ARAP1: variants seen among roughly 807,000 people sequenced by gnomAD.
The protein encoded by ARAP1 is ArfGAP with RhoGAP domain, ankyrin repeat and PH domain 1, also known as arf-GAP with Rho-GAP domain, ANK repeat and PH domain-containing protein 1.
A neutral mutation model predicts 172.2 loss-of-function variants in ARAP1; 76 were observed. The observed-to-expected ratio is 0.44, with a 90% CI of 0.37 to 0.53. The LOEUF (loss-of-function observed/expected upper bound fraction) is 0.53, where lower values mean the gene tolerates loss of function less well. Ranked by LOEUF, ARAP1 falls within the 20% of genes least tolerant of loss-of-function variation. The pLI is 0.00. For synonymous variants in ARAP1, 804 were observed against 803.3 expected (o/e 1.00, Z -0.01); for missense variants, 1,686 against 1,977.5 (o/e 0.85, Z 2.80).
rs189149758 is a variant in ARAP1 at position 72,688,328 on chromosome 11, G to A, written c.4070+127C>T. The A allele has an allele frequency of 1.8e-4, 138 of 776,300 alleles. 1 individual carries two copies. The East Asian group carries it at 2.6e-3, about 14-fold the overall frequency. 48.1% of individuals were successfully genotyped at this position (776,300 alleles called of 1,614,324 possible). ...TGTGTCCAGGTGATGCTGCTGGTCTGGAGACCACACCATCAGAGCCCCTGC... is the reference window on the plus strand; with the variant it reads ...TGTGTCCAGGTGATGCTGCTGGTCTAGAGACCACACCATCAGAGCCCCTGC... On this transcript the variant is annotated intron_variant, in intron 31 of 34. Coordinates refer to ENST00000393609, the MANE Select transcript of ARAP1 (RefSeq NM_001040118.3).
intron 30 of ARAP1, among the ~76,000 whole-genome samples, chr11:72,689,099 A>T (rs1855816135): frequency 6.6e-6 from 1 of 152,216 alleles, no homozygotes; most frequent in Non-Finnish European, 1.5e-5. Context: ...AAGGAGGCTA[A>T]TGACTCAAGC....
intron 3 of ARAP1, among the ~76,000 whole-genome samples, chr11:72,723,018 T>C (rs979800004): frequency 1.3e-5 from 2 of 152,058 alleles, no homozygotes; most frequent in Non-Finnish European, 1.5e-5. Context: ...TTTAAATTAA[T>C]GGTAGGGTGC....
chr11:72,734,404 A>G (rs1207309701), intron 1 of ARAP1, among the ~76,000 whole-genome samples: 1 of 152,216 alleles, frequency 6.6e-6, no homozygotes, highest in African/African-American at 2.4e-5. Context: ...TTATAGGCAT[A>G]AGCCACTGCA....
In ARAP1 at chr11:72,710,122, C is replaced by A; in HGVS notation, c.1417-146G>T. 2 of 819,826 alleles carry A rather than the reference C, an allele frequency of 2.4e-6. No homozygotes were observed. Among genetic ancestry groups the A allele is most frequent in the Non-Finnish European group, 2.0e-6 (1 of 495,898 alleles). The allele number at this position is 819,826 out of a possible 1,614,324, so 50.8% of individuals were successfully genotyped here. A position where few individuals can be genotyped will look rare whatever the true frequency, so the allele number is the denominator to read the frequency against. ...ACAGCAGGGGACATGGGAGGCTGGG[C>A]AGGGTAAGGGGCTGCAGGTTCAGGG... is the stretch of plus-strand genomic sequence containing the variant. On this transcript the variant is annotated intron_variant, in intron 10 of 34. Transcript: ENST00000393609. The surrounding 1 kb of genome is among the most constrained non-coding windows in gnomAD (Gnocchi z 4.3).
rs1856963513 is a variant in ARAP1, at chr11:72,710,459, C to CCAGGCTGCCAGCGCGGT, written c.1325_1341dup (p.Glu448ThrfsTer30). ...AGCTTATTCTTGAAGCCACGAAGCT[C>CCAGGCTGCCAGCGCGGT]CAGGCTGCCAGCGCGGTCAGGCTGC... On this transcript the variant is annotated frameshift_variant, in exon 10 of 35. Coordinates refer to ENST00000393609, the MANE Select transcript of ARAP1 (RefSeq NM_001040118.3). LOFTEE classifies it high-confidence loss of function. The surrounding 1 kb of genome is among the most constrained non-coding windows in gnomAD (Gnocchi z 4.3). 1 of 1,613,982 alleles carries CCAGGCTGCCAGCGCGGT rather than the reference C, an allele frequency of 6.2e-7. No homozygotes were observed. The highest frequency in any genetic ancestry group is 8.5e-7 in the Non-Finnish European group (1 of 1,179,990).
intron 31 of ARAP1, 115 bp from the exon 32 acceptor site, chr11:72,687,853 C>A: frequency 1.6e-6 from 2 of 1,277,198 alleles, no homozygotes; most frequent in East Asian, 2.3e-5. Context: ...GAGTTCAGAG[C>A]CTTCTCACAA....
intron 1 of ARAP1, among the ~76,000 whole-genome samples, chr11:72,747,014 G>A (rs748832215): frequency 2.6e-5 from 4 of 152,210 alleles, no homozygotes; most frequent in Admixed American, 6.5e-5. Context: ...CTGGAAAGCC[G>A]AAATGCAGTG....
intron 18 of ARAP1, among the ~76,000 whole-genome samples, chr11:72,698,708 CCG>C (rs368257806): frequency 6.6e-6 from 1 of 152,170 alleles, no homozygotes. Flanking sequence ...CCTCTGGAGG[CCG>C]CACTGTCCAT....
In ARAP1 at chr11:72,699,863, T is replaced by C. The variant is rs1856395475; in HGVS notation, c.2303-311A>G. Among the ~76,000 whole-genome samples the C allele has an allele frequency of 6.6e-6, 1 of 152,162 alleles. No individual in the cohort carries two copies. Among genetic ancestry groups the C allele is most frequent in the African/African-American group, 2.4e-5 (1 of 41,438 alleles). On this transcript the variant is annotated intron_variant, in intron 16 of 34. Coordinates refer to ENST00000393609, the MANE Select transcript of ARAP1 (RefSeq NM_001040118.3). The surrounding 1 kb of genome is among the most constrained non-coding windows in gnomAD (Gnocchi z 4.2). ...AGACTCTGTGCCCCTCAGCCTGCCA[T>C]TCAAGGCCCTGCCAGGTCTACCCCT...
chr11:72,688,133 G>A (rs34802028), intron 31 of ARAP1, among the ~76,000 whole-genome samples: 72,550 of 151,776 alleles, frequency 0.48, 17,768 homozygotes, highest in Middle Eastern at 0.66. Flanking sequence ...TGAGTAGCGC[G>A]CCACCAAACC....
intron 12 of ARAP1, among the ~76,000 whole-genome samples, chr11:72,706,121 C>T (rs889338904): frequency 6.6e-6 from 1 of 152,196 alleles, no homozygotes; most frequent in Non-Finnish European, 1.5e-5. Flanking sequence ...GCAACTGGCC[C>T]CCTGGAACCA....
At chr11:72,709,333 C>T (rs987289593) in intron 11 of ARAP1, among the ~76,000 whole-genome samples, 14 of 152,250 alleles carry the variant, frequency 9.2e-5, no homozygotes, top group Non-Finnish European at 1.6e-4. Flanking sequence ...CCAGGTCACA[C>T]AGCTAGTCAG....
Position 72,726,790 on chromosome 11 carries a change from A to G in ARAP1, c.339T>C (p.Ala113=), listed in dbSNP as rs1429588922. 1 of 1,551,182 alleles carries G rather than the reference A, an allele frequency of 6.4e-7. No individual in the cohort carries two copies. The highest frequency in any genetic ancestry group is 8.7e-7 in the Non-Finnish European group (1 of 1,147,618). ...PTTTEDEGLP[A]APPIPPRRSC... ...TCCTCCGGGGCGGGATGGGTGGGGCAGCGGGGAGCCCCTCATCCTCTGTAG... is the reference window on the plus strand; with the variant it reads ...TCCTCCGGGGCGGGATGGGTGGGGCGGCGGGGAGCCCCTCATCCTCTGTAG... The change falls in exon 3 of 35, where the codon GCT becomes GCC. Residue 113 remains alanine, a synonymous_variant. Coordinates refer to ENST00000393609, the MANE Select transcript of ARAP1 (RefSeq NM_001040118.3). This position sits in a 1 kb window ranked among gnomAD's most constrained non-coding sequence, Gnocchi z 6.5.
chr11:72,698,673 G>A (rs912501988), intron 18 of ARAP1, among the ~76,000 whole-genome samples: 3 of 152,090 alleles, frequency 2.0e-5, no homozygotes, highest in Non-Finnish European at 4.4e-5. Context: ...CTGCTTGCTC[G>A]CCTCCAGGAA....
rs1856959120 is a variant in ARAP1 at position 72,710,355 on chromosome 11, C to T, written c.1416+30G>A. The T allele has an allele frequency of 6.2e-7, 1 of 1,611,214 alleles. No homozygotes were observed. The highest frequency in any genetic ancestry group is 8.5e-7 in the Non-Finnish European group (1 of 1,177,898). On this transcript the variant is annotated intron_variant, in intron 10 of 34. Transcript: ENST00000393609. This position sits in a 1 kb window ranked among gnomAD's most constrained non-coding sequence, Gnocchi z 4.3. ...CTGGGGCAGGGTAGGTGGACATGGG[C>T]AGGGGAGAGGTTCCATGACCCCTTA...
chr11:72,719,016 A>G (rs1285343934), intron 3 of ARAP1, among the ~76,000 whole-genome samples: 2 of 152,174 alleles, frequency 1.3e-5, no homozygotes, highest in East Asian at 3.9e-4. Context: ...GTGCTCTGTA[A>G]GGTAAGGCTC....
intron 2 of ARAP1, among the ~76,000 whole-genome samples, chr11:72,730,664 C>G (rs1857838269): frequency 6.6e-6 from 1 of 152,200 alleles, no homozygotes; most frequent in South Asian, 2.1e-4. Flanking sequence ...CACACCATTG[C>G]ATTCCAGCCT....
chr11:72,739,353 C>T (rs1431373321), intron 1 of ARAP1, among the ~76,000 whole-genome samples: 1 of 152,184 alleles, frequency 6.6e-6, no homozygotes, highest in East Asian at 1.9e-4. Flanking sequence ...GGCCTGTCTT[C>T]TGGGGTCTCC....
intron 30 of ARAP1, among the ~76,000 whole-genome samples, chr11:72,691,777 T>A (rs116387676): frequency 2.8e-3 from 424 of 152,270 alleles, no homozygotes; most frequent in African/African-American, 9.8e-3. Flanking sequence ...CTGTTGCCCA[T>A]CCTGCAGGGC....
Sources: allele counts gnomAD v4.1 joint callset (sites outside exome capture counted in the v4.1 genomes callset), GRCh38; gene constraint gnomAD v4.1.1; non-coding constraint Gnocchi (gnomAD v3.1); transcripts MANE v1.5; gene names NCBI Gene and HGNC (gene_info 2026-07-23, HGNC 2026-07-21).